The following CSMD3 variants were observed in gnomAD, a reference collection of about 807,000 sequenced individuals.
The protein encoded by CSMD3 is CUB and sushi domain-containing protein 3.
A neutral mutation model predicts 435.2 loss-of-function variants in CSMD3; 177 were observed. The observed-to-expected ratio is 0.41, with a 90% CI of 0.36 to 0.46. The LOEUF (loss-of-function observed/expected upper bound fraction) is 0.46, where lower values mean the gene tolerates loss of function less well. Ranked by LOEUF, CSMD3 falls within the 20% of genes least tolerant of loss-of-function variation. The pLI, the probability that CSMD3 is intolerant of heterozygous loss-of-function variation, is 0.34. For missense variants in CSMD3, 4,265 were observed against 4,504.6 expected (o/e 0.95, Z 1.52); for synonymous variants, 1,656 against 1,520.5 (o/e 1.09, Z -2.07).
intron 4 of CSMD3, among the ~76,000 whole-genome samples, chr8:113,151,647 T>C (rs1289890211): frequency 1.3e-5 from 2 of 152,044 alleles, no homozygotes; most frequent in Non-Finnish European, 2.9e-5. Context: ...TAGAGGAATT[T>C]AGTCAGTTTT....
chr8:113,010,803 A>G (rs1228575210), intron 6 of CSMD3, among the ~76,000 whole-genome samples: 2 of 151,746 alleles, frequency 1.3e-5, no homozygotes, highest in South Asian at 4.1e-4. Context: ...AAGTAAGACT[A>G]TCCATGATAT....
chr8:112,590,736 A>C (rs1296194447), intron 22 of CSMD3, among the ~76,000 whole-genome samples: 3 of 151,788 alleles, frequency 2.0e-5, no homozygotes, highest in African/African-American at 7.3e-5. Context: ...AAATTTTTTG[A>C]GATTTTGGGT....
At chr8:112,989,562 CAGA>C (rs1554742051) in intron 6 of CSMD3, among the ~76,000 whole-genome samples, 1 of 151,920 alleles carries the variant, frequency 6.6e-6, no homozygotes, top group Non-Finnish European at 1.5e-5. Context: ...ACAAAAATAA[CAGA>C]ATATGTTTGT....
At chr8:112,803,236 T>G (rs1057457854) in intron 12 of CSMD3, among the ~76,000 whole-genome samples, 2 of 152,198 alleles carry the variant, frequency 1.3e-5, no homozygotes, top group Non-Finnish European at 2.9e-5. Context: ...TCTTTCTGCA[T>G]CCCTTGTGTC....
At chr8:112,828,645 C>A (rs2132471812) in intron 12 of CSMD3, among the ~76,000 whole-genome samples, 1 of 152,250 alleles carries the variant, frequency 6.6e-6, no homozygotes, top group East Asian at 1.9e-4. Flanking sequence ...TCAGGTAGTT[C>A]TTTAAAGCAG....
chr8:112,522,581 A>T (rs183443402), intron 27 of CSMD3, among the ~76,000 whole-genome samples: 19 of 152,054 alleles, frequency 1.2e-4, no homozygotes, highest in Admixed American at 6.6e-4. Flanking sequence ...TGAATGAATA[A>T]ATGAATGAAC....
chr8:112,296,393 T>C (rs1586687810), intron 53 of CSMD3, among the ~76,000 whole-genome samples: 1 of 151,548 alleles, frequency 6.6e-6, no homozygotes, highest in Admixed American at 6.6e-5. Context: ...CTACTAAAAA[T>C]ACAAAAAATT....
chr8:112,327,900 A>G (rs533349670), intron 45 of CSMD3, among the ~76,000 whole-genome samples: 1 of 152,314 alleles, frequency 6.6e-6, no homozygotes, highest in East Asian at 1.9e-4. Context: ...TTTCTTTTCA[A>G]TGAAACATCC....
rs573014222 is a variant in CSMD3, at chr8:112,281,139, A to G, written c.9508+35T>C. 1.0e-4 allele frequency: 153 copies of G among 1,478,136 alleles called. 1 individual carries two copies. The South Asian group carries it at 1.5e-3, about 14-fold the overall frequency. The allele number at this position is 1,478,136 out of a possible 1,614,324, so 91.6% of individuals were successfully genotyped here. ...TATATACTCATCAATACTTTCATAT[A>G]ATTACTGATTTTTAAATATTGAGAA... On this transcript the variant is annotated intron_variant, in intron 59 of 70. Transcript: ENST00000297405.
intron 1 of CSMD3, among the ~76,000 whole-genome samples, chr8:113,375,854 T>C (rs2094379031): frequency 6.6e-6 from 1 of 152,190 alleles, no homozygotes; most frequent in African/African-American, 2.4e-5. Context: ...TAATGGTTTT[T>C]ATAATTACTT....
chr8:112,293,914 A>C (rs1219552563), intron 54 of CSMD3, among the ~76,000 whole-genome samples: 2 of 152,278 alleles, frequency 1.3e-5, no homozygotes, highest in South Asian at 2.1e-4. Context: ...TAAAATTATC[A>C]ATAAAGAAAC....
chr8:112,352,685 T>A, intron 38 of CSMD3, 151 bp from the exon 39 acceptor site: 1 of 715,780 alleles, frequency 1.4e-6, no homozygotes, highest in Non-Finnish European at 2.5e-6. Context: ...AAGATTTAAC[T>A]GTAGATGTCA....
At chr8:112,514,802 A>G (rs912044751) in intron 28 of CSMD3, among the ~76,000 whole-genome samples, 1 of 152,094 alleles carries the variant, frequency 6.6e-6, no homozygotes, top group African/African-American at 2.4e-5. Flanking sequence ...TAAGAAGTTC[A>G]GGGTTTAATC....
At chr8:112,511,384 C>CTTTTTTTTT (rs34548150) in intron 28 of CSMD3, among the ~76,000 whole-genome samples, 19 of 72,372 alleles carry the variant, frequency 2.6e-4, no homozygotes, top group Non-Finnish European at 3.1e-4. Context: ...ATTTTCTTTT[C>CTTTTTTTTT]TTTTTTTTTT....
intron 6 of CSMD3, among the ~76,000 whole-genome samples, chr8:113,018,579 T>C (rs1370894296): frequency 6.6e-6 from 1 of 152,180 alleles, no homozygotes; most frequent in Admixed American, 6.5e-5. Flanking sequence ...AAAGAGTTTT[T>C]CAAGTTAATG....
intron 3 of CSMD3, among the ~76,000 whole-genome samples, chr8:113,205,932 T>C (rs113408875): frequency 6.6e-6 from 1 of 152,070 alleles, no homozygotes; most frequent in East Asian, 1.9e-4. Flanking sequence ...TTTTTTTTTG[T>C]CAGTGTAGAA....
At chr8:113,144,092 T>A (rs1197559847) in intron 4 of CSMD3, among the ~76,000 whole-genome samples, 1 of 150,024 alleles carries the variant, frequency 6.7e-6, no homozygotes, top group East Asian at 2.0e-4. Context: ...TATAGTTATT[T>A]TTATTATTAT....
At chr8:112,284,987 T>G (rs1015689378) in intron 58 of CSMD3, among the ~76,000 whole-genome samples, 1 of 152,024 alleles carries the variant, frequency 6.6e-6, no homozygotes, top group Non-Finnish European at 1.5e-5. Flanking sequence ...CTGTTGAATT[T>G]TTTCTATAGG....
intron 58 of CSMD3, among the ~76,000 whole-genome samples, chr8:112,283,734 T>C (rs914793655): frequency 2.0e-5 from 3 of 151,772 alleles, no homozygotes; most frequent in Admixed American, 6.6e-5. Context: ...TATTTTTCTA[T>C]GATTTTTAGA....
Sources: allele counts gnomAD v4.1 joint callset (sites outside exome capture counted in the v4.1 genomes callset), GRCh38; gene constraint gnomAD v4.1.1; transcripts MANE v1.5; gene names NCBI Gene and HGNC (gene_info 2026-07-23, HGNC 2026-07-21).